Variants in TEX15 observed in about 807,000 individuals in gnomAD.
The protein encoded by TEX15 is testis-expressed protein 15.
TEX15 carries 171 observed loss-of-function variants against 237.3 expected under a neutral mutation model. The observed-to-expected ratio is 0.72, with a 90% confidence interval of 0.64 to 0.82. The LOEUF is 0.82. Among genes scored for constraint, TEX15 ranks in the 40% least tolerant of loss-of-function variants. The pLI is 0.00. For synonymous variants in TEX15, 1,338 were observed against 1,269.8 expected (o/e 1.05, Z -1.14); for missense variants, 3,750 against 3,646.5 (o/e 1.03, Z -0.73).
chr8:30,877,610 G>C lies in TEX15; in HGVS notation c.137-2508C>G, dbSNP rs1308639228. ...TCATAACATATGATGTAGAAATTTT[G>C]ATAGTTTTATAACATGATGATTTTG... On this transcript the variant is annotated intron_variant, in intron 3 of 10. Coordinates refer to ENST00000643185, the MANE Select transcript of TEX15 (RefSeq NM_001350162.2). Among the ~76,000 whole-genome samples, 27 of 151,968 alleles carry C rather than the reference G, an allele frequency of 1.8e-4. 1 individual carries two copies. Among genetic ancestry groups the C allele is most frequent in the Admixed American group, 1.8e-3 (27 of 15,262 alleles).
rs1451407322 is a variant in TEX15 at position 30,848,332 on chromosome 8, T to C, written c.1835A>G (p.Asp612Gly). 6.2e-7 allele frequency: 1 copy of C among 1,614,042 alleles called. No homozygotes were observed. Among genetic ancestry groups the C allele is most frequent in the Non-Finnish European group, 8.5e-7 (1 of 1,180,036 alleles). The change falls in exon 8 of 11, where the codon GAT (aspartate) becomes GGT (glycine). Residue 612 changes from aspartate (D) to glycine (G), a missense_variant. Coordinates refer to ENST00000643185, the MANE Select transcript of TEX15 (RefSeq NM_001350162.2). ...CTTTCCAGTATTTTGAAGGTATTCA[T>C]CAATGCTTACTTTCTTTTTGAGTGG... Reference protein sequence around the residue: ...VFPLKKKVSIDEYLQNTGKMK... With the variant: ...VFPLKKKVSIGEYLQNTGKMK...
chr8:30,911,713 C>T (rs758768493), intron 1 of TEX15, among the ~76,000 whole-genome samples: 1 of 152,166 alleles, frequency 6.6e-6, no homozygotes, highest in Non-Finnish European at 1.5e-5. Context: ...CTCAGCCTCT[C>T]CACTTTCTCG....
At position 30,845,610 on chromosome 8, in the gene TEX15, C is replaced by T. The variant is rs1807584016; in HGVS notation, c.4557G>A (p.Leu1519=). ...FCNQEHPESQ[L]PVSSTSQSTS... ...TACTTTGGGATGTGGAGGATACAGGCAACTGTGATTCAGGATGTTCTTGAT... is the reference window on the plus strand; with the variant it reads ...TACTTTGGGATGTGGAGGATACAGGTAACTGTGATTCAGGATGTTCTTGAT... The change falls in exon 8 of 11, where the codon TTG becomes TTA. Residue 1519 remains leucine, a synonymous_variant. Coordinates refer to ENST00000643185, the MANE Select transcript of TEX15 (RefSeq NM_001350162.2). 1 of 1,613,606 alleles carries T rather than the reference C, an allele frequency of 6.2e-7. No homozygotes were observed. Among genetic ancestry groups the T allele is most frequent in the Non-Finnish European group, 8.5e-7 (1 of 1,179,636 alleles).
rs1440120178 is a variant in TEX15, at chr8:30,832,297, C to A, written c.*989G>T. On this transcript the variant is annotated 3_prime_UTR_variant, in exon 11 of 11. Coordinates refer to ENST00000643185, the MANE Select transcript of TEX15 (RefSeq NM_001350162.2). ...TTGTTGTGATTCAGCCAAACCAATT[C>A]TCTTGTCACATTTTAGGGCTAACCC... The A allele has an allele frequency of 6.6e-6, 1 of 152,220 alleles. No homozygotes were observed. Among genetic ancestry groups the A allele is most frequent in the East Asian group, 1.9e-4 (1 of 5,200 alleles). The allele number at this position is 152,220 out of a possible 1,614,324, so 9.4% of individuals were successfully genotyped here. A position where few individuals can be genotyped will look rare whatever the true frequency, so the allele number is the denominator to read the frequency against.
intron 7 of TEX15, among the ~76,000 whole-genome samples, chr8:30,853,467 A>C (rs1039831717): frequency 1.3e-5 from 2 of 152,210 alleles, no homozygotes; most frequent in Non-Finnish European, 2.9e-5. Flanking sequence ...ACACAACAAA[A>C]TAACAATATA....
chr8:30,894,626 C>T (rs1808858320), intron 2 of TEX15, among the ~76,000 whole-genome samples: 1 of 152,110 alleles, frequency 6.6e-6, no homozygotes, highest in South Asian at 2.1e-4. Context: ...CAGTCTGCAA[C>T]AAATAGTGCC....
rs764187809 is a variant in TEX15, at chr8:30,848,449, G to T, written c.1718C>A (p.Thr573Lys). The T allele has an allele frequency of 6.2e-7, 1 of 1,614,126 alleles. No individual in the cohort carries two copies. Among genetic ancestry groups the T allele is most frequent in the Admixed American group, 1.7e-5 (1 of 60,026 alleles). Residue 573 changes from threonine to lysine, a missense_variant, in exon 8 of 11, where the codon ACA (threonine) becomes AAA (lysine). Transcript: ENST00000643185. Reference protein sequence around the residue: ...RAQQESGNAYTKEYSSHIFQD... With the variant: ...RAQQESGNAYKKEYSSHIFQD... The stretch of plus-strand genomic sequence containing the variant: ...AAAAATGTGACTACTGTACTCTTTT[G>T]TATAAGCATTACCGGACTCCTGTTG...
At chr8:30,895,719 T>A (rs1808891635) in intron 2 of TEX15, among the ~76,000 whole-genome samples, 1 of 128,276 alleles carries the variant, frequency 7.8e-6, no homozygotes, top group Admixed American at 8.8e-5. Context: ...TCTCACTGTG[T>A]CCCCAGGCTG....
chr8:30,863,622 C>T (rs1315526898), intron 5 of TEX15, among the ~76,000 whole-genome samples: 2 of 152,064 alleles, frequency 1.3e-5, no homozygotes, highest in South Asian at 2.1e-4. Flanking sequence ...GAGCCAGTGC[C>T]TTTTTTCCCT....
At chr8:30,891,812 C>T (rs1808800765) in intron 2 of TEX15, among the ~76,000 whole-genome samples, 1 of 152,162 alleles carries the variant, frequency 6.6e-6, no homozygotes, top group African/African-American at 2.4e-5. Flanking sequence ...ATTTATTGGT[C>T]ATGTTTCCAC....
chr8:30,883,818 C>G (rs1261604059), intron 3 of TEX15, among the ~76,000 whole-genome samples: 1 of 152,150 alleles, frequency 6.6e-6, no homozygotes, highest in African/African-American at 2.4e-5. Flanking sequence ...CATATGTGTG[C>G]ATGTGTCTTT....
At chr8:30,856,382 T>A (rs1807913226) in intron 7 of TEX15, among the ~76,000 whole-genome samples, 1 of 151,712 alleles carries the variant, frequency 6.6e-6, no homozygotes, top group African/African-American at 2.4e-5. Flanking sequence ...GGTGAAACCC[T>A]GTCTCTACAA....
Position 30,845,412 on chromosome 8 carries a change from A to G in TEX15, c.4755T>C (p.Tyr1585=). ...DTAFLSSTSK[Y]EKLEKHSANH... ...TTGCTGAATGTTTTTCAAGCTTTTC[A>G]TATTTACTAGTGCTAGATAAAAATG... The change falls in exon 8 of 11, where the codon TAT becomes TAC. Residue 1585 remains tyrosine (Y), a synonymous_variant. Transcript: ENST00000643185. 2.5e-6 allele frequency: 4 copies of G among 1,612,026 alleles called. No homozygotes were observed. The highest frequency in any genetic ancestry group is 3.4e-6 in the Non-Finnish European group (4 of 1,178,690).
intron 3 of TEX15, among the ~76,000 whole-genome samples, chr8:30,881,021 G>C (rs1808508075): frequency 6.6e-6 from 1 of 151,772 alleles, no homozygotes; most frequent in South Asian, 2.1e-4. Flanking sequence ...CTGAATACCT[G>C]CTAATTCCTC....
At chr8:30,884,947 T>C (rs1808613253) in intron 3 of TEX15, among the ~76,000 whole-genome samples, 1 of 152,218 alleles carries the variant, frequency 6.6e-6, no homozygotes, top group African/African-American at 2.4e-5. Context: ...TCTTGTTTTC[T>C]AATACATGCA....
At chr8:30,861,881 T>C (rs1808058051) in intron 5 of TEX15, among the ~76,000 whole-genome samples, 2 of 152,222 alleles carry the variant, frequency 1.3e-5, no homozygotes, top group South Asian at 4.1e-4. Flanking sequence ...TATAAATAAG[T>C]AATTCACTAA....
chr8:30,912,323 G>A (rs1396811689), intron 1 of TEX15, among the ~76,000 whole-genome samples: 1 of 1,262 alleles, frequency 7.9e-4, no homozygotes, highest in African/African-American at 3.4e-3. Context: ...GCGGTCCCGG[G>A]GCGGCGGGGC....
chr8:30,899,848 A>G (rs1280923846), intron 1 of TEX15, among the ~76,000 whole-genome samples: 1 of 152,218 alleles, frequency 6.6e-6, no homozygotes, highest in Non-Finnish European at 1.5e-5. Flanking sequence ...ATGACCTATT[A>G]TAATGAGCTT....
At position 30,846,464 on chromosome 8, in the gene TEX15, A is replaced by G; in HGVS notation, c.3703T>C (p.Ser1235Pro). 1 of 1,613,312 alleles carries G rather than the reference A, an allele frequency of 6.2e-7. No individual in the cohort carries two copies. Residue 1235 changes from serine to proline, a missense_variant, in exon 8 of 11, where the codon TCT becomes CCT. Coordinates refer to ENST00000643185, the MANE Select transcript of TEX15 (RefSeq NM_001350162.2). Reference protein sequence around the residue: ...IRQESGPVSNSEISLSFDLSR... With the variant: ...IRQESGPVSNPEISLSFDLSR... ...AAGTCAAAAGAAAGGGAGATTTCAG[A>G]GTTACTCACTGGCCCTGATTCTTGC...
Sources: gnomAD v4.1 joint callset for allele counts (sites outside exome capture counted in the v4.1 genomes callset) on GRCh38, gnomAD v4.1.1 for gene constraint, MANE v1.5 for transcripts, NCBI Gene and HGNC (gene_info 2026-07-23, HGNC 2026-07-21) for gene names.